GRIP1: variants seen among roughly 807,000 people sequenced by gnomAD.
GRIP1 encodes the protein glutamate receptor interacting protein 1, also known as glutamate receptor-interacting protein 1.
Under a neutral mutation model 129.9 loss-of-function variants are expected in GRIP1, and 45 were observed. That is an observed-to-expected ratio of 0.35 (90% CI 0.27 to 0.44). The LOEUF is 0.44. GRIP1 is among the 20% of genes least tolerant of loss of function. The pLI is 1.00. For missense variants in GRIP1, 1,196 were observed against 1,396.8 expected (o/e 0.86, Z 2.29); for synonymous variants, 530 against 520.8 (o/e 1.02, Z -0.24).
At chr12:66,569,319 A>G (rs2062874311) in intron 2 of GRIP1, 1 of 159,558 alleles carries the variant, frequency 6.3e-6, no homozygotes, top group South Asian at 1.7e-4. Flanking sequence ...TCTGCTAAAA[A>G]TACAAAAATT....
intron 1 of GRIP1, among the ~76,000 whole-genome samples, chr12:67,009,630 G>A (rs957682158): frequency 6.6e-6 from 1 of 152,142 alleles, no homozygotes; most frequent in Non-Finnish European, 1.5e-5. Context: ...ACCATAGACT[G>A]CTCAACACTG....
chr12:66,825,129 G>T (rs2039387081), intron 1 of GRIP1, among the ~76,000 whole-genome samples: 1 of 152,100 alleles, frequency 6.6e-6, no homozygotes, highest in Non-Finnish European at 1.5e-5. Context: ...CTTTCTGCAA[G>T]ATTTTCAATT....
chr12:66,481,227 C>CAA (rs79786837), intron 7 of GRIP1, among the ~76,000 whole-genome samples: 17 of 121,266 alleles, frequency 1.4e-4, no homozygotes, highest in African/African-American at 4.1e-4. Flanking sequence ...CTAGAATCTA[C>CAA]AAAAAAAAAA....
At chr12:66,768,641 G>A (rs1488540512) in intron 1 of GRIP1, among the ~76,000 whole-genome samples, 1 of 152,168 alleles carries the variant, frequency 6.6e-6, no homozygotes, top group Non-Finnish European at 1.5e-5. Flanking sequence ...CCATGCACAG[G>A]TCATAGTGTA....
intron 2 of GRIP1, among the ~76,000 whole-genome samples, chr12:66,570,100 A>T (rs1393311720): frequency 5.1e-5 from 6 of 117,992 alleles, no homozygotes; most frequent in Admixed American, 5.1e-4. Flanking sequence ...GTTTGTAGGC[A>T]TTGCATGTAT....
intron 1 of GRIP1, among the ~76,000 whole-genome samples, chr12:66,952,083 G>A (rs1392693465): frequency 6.6e-6 from 1 of 152,076 alleles, no homozygotes; most frequent in Non-Finnish European, 1.5e-5. Context: ...GTGAGAAGAG[G>A]AGAGGGCAGG....
rs35306665 is a variant in GRIP1, at chr12:66,979,222, TAAAAAAAAAAAAAAAA to T, written c.58+89812_58+89827del. Among the ~76,000 whole-genome samples the T allele has an allele frequency of 2.2e-4, 9 of 41,436 alleles. No individual in the cohort carries two copies. In the South Asian group the frequency reaches 6.3e-3, roughly 29 times the overall value. The allele number at this position is 41,436 out of a possible 152,430, so 27.2% of individuals were successfully genotyped here. ...CCCCAAGCCACAAAACTTCTCTTCTTAAAAAAAAAAAAAAAAAAAAAAAAAAAAAAAACAAGCCCGT... is the reference window on the plus strand; with the variant it reads ...CCCCAAGCCACAAAACTTCTCTTCTTAAAAAAAAAAAAAAAACAAGCCCGT... On this transcript the variant is annotated intron_variant, in intron 1 of 1. Coordinates refer to the GRIP1 transcript ENST00000643019.
chr12:66,839,573 A>C (rs932506938), intron 1 of GRIP1, among the ~76,000 whole-genome samples: 2 of 152,204 alleles, frequency 1.3e-5, no homozygotes, highest in Admixed American at 6.5e-5. Context: ...CACTCAGTCA[A>C]CTGAGTTTCG....
chr12:66,751,593 G>A (rs911313261), intron 1 of GRIP1, among the ~76,000 whole-genome samples: 1 of 152,134 alleles, frequency 6.6e-6, no homozygotes, highest in Non-Finnish European at 1.5e-5. Context: ...CTTTCTGCTG[G>A]TGTGAACACC....
At chr12:66,827,363 G>GGTGTGTGTGT (rs34267289) in intron 1 of GRIP1, among the ~76,000 whole-genome samples, 26 of 137,878 alleles carry the variant, frequency 1.9e-4, no homozygotes, top group East Asian at 6.7e-4. Flanking sequence ...CTCAAAACCA[G>GGTGTGTGTGT]GTGTGTGTGT....
At chr12:66,960,077 G>A (rs964269634) in intron 1 of GRIP1, among the ~76,000 whole-genome samples, 3 of 152,192 alleles carry the variant, frequency 2.0e-5, no homozygotes, top group Non-Finnish European at 4.4e-5. Context: ...AGGAAGGTAA[G>A]TAGCCACATC....
intron 1 of GRIP1, among the ~76,000 whole-genome samples, chr12:66,812,650 A>G (rs1300624105): frequency 6.6e-6 from 1 of 152,202 alleles, no homozygotes; most frequent in Non-Finnish European, 1.5e-5. Flanking sequence ...GTTAGCTTAA[A>G]TTACACTTTT....
chr12:66,571,392 G>A (rs1457529320), intron 2 of GRIP1, among the ~76,000 whole-genome samples: 1 of 152,084 alleles, frequency 6.6e-6, no homozygotes, highest in Non-Finnish European at 1.5e-5. Context: ...TCTTTGTTAA[G>A]CTCAGTGATA....
intron 1 of GRIP1, among the ~76,000 whole-genome samples, chr12:66,834,776 T>C (rs1213807176): frequency 6.6e-6 from 1 of 151,970 alleles, no homozygotes; most frequent in South Asian, 2.1e-4. Context: ...GAATTGCCTA[T>C]AGTCCATAAA....
chr12:66,711,242 T>C (rs1488277901), intron 1 of GRIP1, among the ~76,000 whole-genome samples: 1 of 151,880 alleles, frequency 6.6e-6, no homozygotes, highest in Non-Finnish European at 1.5e-5. Flanking sequence ...TAATAAAGGG[T>C]ATCCCTAAAA....
chr12:66,749,461 A>C (rs1403194844), intron 1 of GRIP1, among the ~76,000 whole-genome samples: 2 of 152,194 alleles, frequency 1.3e-5, no homozygotes, highest in African/African-American at 4.8e-5. Flanking sequence ...CAAACTGATG[A>C]GGCTATTTCT....
At chr12:66,371,196 T>C (rs1187688735) in intron 23 of GRIP1, among the ~76,000 whole-genome samples, 2 of 150,208 alleles carry the variant, frequency 1.3e-5, no homozygotes, top group Non-Finnish European at 3.0e-5. Flanking sequence ...TGTTGCTCTG[T>C]CACCGAGGCT....
At chr12:66,713,358 A>G (rs2035770504) in intron 1 of GRIP1, among the ~76,000 whole-genome samples, 1 of 152,022 alleles carries the variant, frequency 6.6e-6, no homozygotes, top group Admixed American at 6.6e-5. Context: ...AGGTATTAAG[A>G]ATAGTGATAA....
chr12:66,702,948 T>A (rs2035401158), intron 1 of GRIP1, among the ~76,000 whole-genome samples: 1 of 152,216 alleles, frequency 6.6e-6, no homozygotes, highest in Admixed American at 6.6e-5. Context: ...AGCAAGCATA[T>A]GTATTGTGCC....
Sources: gnomAD v4.1 joint callset for allele counts (sites outside exome capture counted in the v4.1 genomes callset) on GRCh38, gnomAD v4.1.1 for gene constraint, MANE v1.5 for transcripts, NCBI Gene and HGNC (gene_info 2026-07-23, HGNC 2026-07-21) for gene names.